STAG1: variants seen among roughly 807,000 people sequenced by gnomAD.
The protein encoded by STAG1 is STAG1 cohesin complex component.
Under a neutral mutation model 170.9 loss-of-function variants are expected in STAG1, and 26 were observed. The observed-to-expected ratio is 0.15, with a 90% CI of 0.11 to 0.21. The LOEUF is 0.21. STAG1 is among the 10% of genes least tolerant of loss of function. STAG1 has a pLI of 1.00. For synonymous variants in STAG1, 514 were observed against 497.7 expected (o/e 1.03, Z -0.44); for missense variants, 964 against 1,509.5 (o/e 0.64, Z 5.99).
intron 13 of STAG1, among the ~76,000 whole-genome samples, 185 bp downstream of exon 13, chr3:136,464,696 T>C (rs2089401921): frequency 6.6e-6 from 1 of 152,194 alleles, no homozygotes; most frequent in African/African-American, 2.4e-5. Context: ...TGTCACAAGG[T>C]ACAGCATCCT....
intron 22 of STAG1, among the ~76,000 whole-genome samples, chr3:136,380,080 A>G (rs1285312435): frequency 6.6e-6 from 1 of 152,214 alleles, no homozygotes; most frequent in Non-Finnish European, 1.5e-5. Context: ...CACCCTACAA[A>G]GTAAATGGTA....
At chr3:136,557,236 T>G (rs974993341) in intron 5 of STAG1, among the ~76,000 whole-genome samples, 2 of 151,966 alleles carry the variant, frequency 1.3e-5, no homozygotes, top group Non-Finnish European at 2.9e-5. Flanking sequence ...AGACACCATT[T>G]TAAAAAAAGA....
chr3:136,473,418 G>C (rs1372969361), intron 11 of STAG1, 121 bp downstream of exon 11: 1 of 695,542 alleles, frequency 1.4e-6, no homozygotes, highest in African/African-American at 1.9e-5. Context: ...AAAAAGGTTG[G>C]GGACTGCTGT....
At chr3:136,530,833 C>T (rs577602779) in intron 6 of STAG1, among the ~76,000 whole-genome samples, 11 of 152,298 alleles carry the variant, frequency 7.2e-5, no homozygotes, top group Non-Finnish European at 1.5e-4. Flanking sequence ...AGGCCAGGCA[C>T]AGCAGCGCAC....
chr3:136,531,444 T>C (rs1194739875), intron 6 of STAG1, among the ~76,000 whole-genome samples: 2 of 150,230 alleles, frequency 1.3e-5, no homozygotes, highest in Non-Finnish European at 3.0e-5. Context: ...CATGCTGCTA[T>C]AAAGACACAT....
intron 4 of STAG1, among the ~76,000 whole-genome samples, chr3:136,575,397 G>T (rs1937417146): frequency 1.3e-5 from 2 of 152,102 alleles, no homozygotes; most frequent in Non-Finnish European, 2.9e-5. Context: ...GTTAATTTTT[G>T]TATTTTTGGT....
intron 9 of STAG1, among the ~76,000 whole-genome samples, chr3:136,499,013 C>CATACATGCA (rs1273319683): frequency 6.6e-6 from 1 of 152,198 alleles, no homozygotes; most frequent in African/African-American, 2.4e-5. Flanking sequence ...TACTCAAGTA[C>CATACATGCA]TACAGCTGTC....
chr3:136,442,613 G>A (rs1318110243), intron 15 of STAG1, among the ~76,000 whole-genome samples: 1 of 151,482 alleles, frequency 6.6e-6, no homozygotes, highest in Non-Finnish European at 1.5e-5. Flanking sequence ...GGATGGCTGT[G>A]GTCTAATTAA....
intron 4 of STAG1, among the ~76,000 whole-genome samples, chr3:136,571,026 T>C (rs1374954024): frequency 6.6e-6 from 1 of 152,136 alleles, no homozygotes; most frequent in East Asian, 1.9e-4. Flanking sequence ...AACTAGAAGT[T>C]AATAGAGCAG....
chr3:136,370,733 G>GCCA (rs1338413686), intron 23 of STAG1, among the ~76,000 whole-genome samples: 14 of 152,172 alleles, frequency 9.2e-5, no homozygotes, highest in Admixed American at 9.2e-4. Context: ...GTGTATATGT[G>GCCA]CCACATTTTC....
chr3:136,421,378 T>C (rs761610046), intron 19 of STAG1, among the ~76,000 whole-genome samples: 9 of 152,172 alleles, frequency 5.9e-5, no homozygotes, highest in Non-Finnish European at 1.3e-4. Flanking sequence ...AAACATGACT[T>C]TGAAAAGTTT....
intron 4 of STAG1, among the ~76,000 whole-genome samples, chr3:136,576,112 G>T (rs932524182): frequency 6.6e-6 from 1 of 152,058 alleles, no homozygotes; most frequent in African/African-American, 2.4e-5. Flanking sequence ...TGTCTATAAA[G>T]GAACGTTTCA....
intron 30 of STAG1, among the ~76,000 whole-genome samples, chr3:136,342,166 T>C (rs895992094): frequency 6.6e-6 from 1 of 151,598 alleles, no homozygotes; most frequent in African/African-American, 2.4e-5. Flanking sequence ...ACTACAGGCG[T>C]GCACCACCAC....
chr3:136,498,233 T>TATATATATATACACACACACAC lies in STAG1; in HGVS notation c.902+1989_902+1990insGTGTGTGTGTGTATATATATAT. Among the ~76,000 whole-genome samples the TATATATATATACACACACACAC allele has an allele frequency of 2.6e-3, 150 of 57,458 alleles. 8 individuals carry two copies. The highest frequency in any genetic ancestry group is 0.015 in the African/African-American group (144 of 9,640). 37.7% of individuals were successfully genotyped at this position (57,458 alleles called of 152,430 possible). A position where few individuals can be genotyped will look rare whatever the true frequency, so the allele number is the denominator to read the frequency against. The stretch of plus-strand genomic sequence containing the variant: ...AATTATATATATATATATATATATA[T>TATATATATATACACACACACAC]ACACATACATATACATACACACACA... On this transcript the variant is annotated intron_variant, in intron 9 of 33. Coordinates refer to ENST00000383202, the MANE Select transcript of STAG1 (RefSeq NM_005862.3).
intron 1 of STAG1, among the ~76,000 whole-genome samples, chr3:136,677,118 C>G (rs1281796530): frequency 1.3e-5 from 2 of 152,112 alleles, no homozygotes. Flanking sequence ...GGAGTACACT[C>G]TAAAATAACA....
chr3:136,362,605 C>CAAAAAAAAAAAAAAAAAAAA (rs1237413699), intron 26 of STAG1, among the ~76,000 whole-genome samples: 2 of 42,452 alleles, frequency 4.7e-5, no homozygotes, highest in Non-Finnish European at 1.0e-4. Context: ...ATCATCTCTG[C>CAAAAAAAAAAAAAAAAAAAA]AAAAAAAAAA....
intron 13 of STAG1, among the ~76,000 whole-genome samples, chr3:136,463,521 C>A (rs2089333928): frequency 6.6e-6 from 1 of 151,798 alleles, no homozygotes; most frequent in Non-Finnish European, 1.5e-5. Flanking sequence ...GAACAAAAAT[C>A]CAAAACACAA....
intron 10 of STAG1, among the ~76,000 whole-genome samples, chr3:136,474,682 C>T (rs980895200): frequency 1.3e-5 from 2 of 152,110 alleles, no homozygotes; most frequent in African/African-American, 2.4e-5. Flanking sequence ...TATGAGATAA[C>T]GTAATATTTG....
At chr3:136,426,343 C>T (rs1456129783) in intron 16 of STAG1, among the ~76,000 whole-genome samples, 1 of 152,070 alleles carries the variant, frequency 6.6e-6, no homozygotes, top group Admixed American at 6.6e-5. Context: ...CCCCAGGGGG[C>T]GGAGCCTGCA....
Sources: gnomAD v4.1 joint callset for allele counts (sites outside exome capture counted in the v4.1 genomes callset) on GRCh38, gnomAD v4.1.1 for gene constraint, MANE v1.5 for transcripts, NCBI Gene and HGNC (gene_info 2026-07-23, HGNC 2026-07-21) for gene names.